CUX2: variants seen among roughly 807,000 people sequenced by gnomAD.
The protein encoded by CUX2 is cut like homeobox 2.
Under a neutral mutation model 144.8 loss-of-function variants are expected in CUX2, and 40 were observed. That is an observed-to-expected ratio of 0.28 (90% CI 0.21 to 0.36). The LOEUF is 0.36. CUX2 is among the 10% of genes least tolerant of loss of function. CUX2 has a pLI of 1.00. For synonymous variants in CUX2, 827 were observed against 875.6 expected, an observed-to-expected ratio of 0.94 and a Z score of 0.98; for missense variants, 1,615 against 1,994.0, an observed-to-expected ratio of 0.81 and a Z score of 3.62.
intron 9 of CUX2, among the ~76,000 whole-genome samples, chr12:111,300,611 G>T (rs1270257006): frequency 6.6e-6 from 1 of 152,128 alleles, no homozygotes; most frequent in Non-Finnish European, 1.5e-5. Flanking sequence ...TCTATAAAGA[G>T]TCAGAGAGTA....
chr12:111,035,082 C>G lies in CUX2; in HGVS notation c.63+842C>G, dbSNP rs1312644933. Among the ~76,000 whole-genome samples the G allele has an allele frequency of 6.6e-6, 1 of 152,062 alleles. No individual in the cohort carries two copies. Among genetic ancestry groups the G allele is most frequent in the Non-Finnish European group, 1.5e-5 (1 of 67,974 alleles). On this transcript the variant is annotated intron_variant, in intron 1 of 21. Coordinates refer to ENST00000261726, the MANE Select transcript of CUX2 (RefSeq NM_015267.4). This position sits in a 1 kb window ranked among gnomAD's most constrained non-coding sequence, Gnocchi z 6.0. The stretch of plus-strand genomic sequence containing the variant: ...CTCCAGGGCGGTGGAGAGCCGGGAG[C>G]GGCGCAGAGCAGGTGACTCCCAGCC...
At chr12:111,132,162 C>T (rs186040075) in intron 1 of CUX2, among the ~76,000 whole-genome samples, 11 of 152,336 alleles carry the variant, frequency 7.2e-5, no homozygotes, top group Admixed American at 7.2e-4. Context: ...TCTGTGCCTG[C>T]AGGCTCAACA....
chr12:111,310,693 A>C lies in CUX2; in HGVS notation c.1900+11A>C. On this transcript the variant is annotated intron_variant, in intron 15 of 21. Transcript: ENST00000261726. The surrounding 1 kb of genome is among the most constrained non-coding windows in gnomAD (Gnocchi z 7.9). ...AAGTGCGGCAGCGAGGTGAGTGCCC[A>C]AGAGGGCCCGTCCCCGCTGGCCACC... 1 of 1,573,288 alleles carries C rather than the reference A, an allele frequency of 6.4e-7. No individual in the cohort carries two copies.
chr12:111,155,481 T>G (rs1877312846), intron 1 of CUX2, among the ~76,000 whole-genome samples: 1 of 152,166 alleles, frequency 6.6e-6, no homozygotes, highest in African/African-American at 2.4e-5. Flanking sequence ...CATGCTTAGT[T>G]TAAAAATCCA....
In CUX2 at chr12:111,220,766, AAAAAAAAAAAAAAAT is replaced by A. The variant is rs1418974245; in HGVS notation, c.222+2830_222+2844del. Among the ~76,000 whole-genome samples, 228 of 145,938 alleles carry A rather than the reference AAAAAAAAAAAAAAAT, an allele frequency of 1.6e-3. 1 individual carries two copies. The highest frequency in any genetic ancestry group is 5.8e-3 in the African/African-American group (221 of 38,340). On this transcript the variant is annotated intron_variant, in intron 3 of 21. Transcript: ENST00000261726. ...TGCAAAAAAAAAAAAAAAAAAAAAAAAAAAAAAAAAAAAATTTAAATGAGCTGGGCATGGTGGCTT... is the reference window on the plus strand; with the variant it reads ...TGCAAAAAAAAAAAAAAAAAAAAAAATTAAATGAGCTGGGCATGGTGGCTT...
chr12:111,334,393 T>A, intron 18 of CUX2, 48 bp from the exon 19 acceptor site: 1 of 1,526,464 alleles, frequency 6.6e-7, no homozygotes, highest in Non-Finnish European at 8.8e-7. Flanking sequence ...AGTGGATGTG[T>A]CTGTGCCAGA....
chr12:111,185,057 C>CT (rs1879437727), intron 1 of CUX2, among the ~76,000 whole-genome samples: 1 of 151,956 alleles, frequency 6.6e-6, no homozygotes, highest in African/African-American at 2.4e-5. Context: ...GAGTGAGACT[C>CT]TGTCTCAAAA....
intron 1 of CUX2, among the ~76,000 whole-genome samples, chr12:111,083,069 C>G (rs542178026): frequency 1.3e-5 from 2 of 152,084 alleles, no homozygotes; most frequent in African/African-American, 2.4e-5. Flanking sequence ...GCCTTACTGG[C>G]CACTCCCTTC....
chr12:111,139,527 C>G, intron 1 of CUX2, among the ~76,000 whole-genome samples: 1 of 152,158 alleles, frequency 6.6e-6, no homozygotes, highest in Non-Finnish European at 1.5e-5. Context: ...GGGACAGATA[C>G]TTTCCAACCC....
At chr12:111,154,814 C>G (rs898479570) in intron 1 of CUX2, among the ~76,000 whole-genome samples, 8 of 152,140 alleles carry the variant, frequency 5.3e-5, no homozygotes, top group Admixed American at 1.3e-4. Context: ...CATGAAAAAG[C>G]AGGGAAGCCA....
intron 1 of CUX2, among the ~76,000 whole-genome samples, chr12:111,139,410 A>C (rs1876146588): frequency 6.6e-6 from 1 of 152,094 alleles, no homozygotes; most frequent in Non-Finnish European, 1.5e-5. Flanking sequence ...GAGTGGATGA[A>C]CCACAGATGG....
At chr12:111,259,874 A>G (rs1884025440) in intron 3 of CUX2, among the ~76,000 whole-genome samples, 1 of 152,060 alleles carries the variant, frequency 6.6e-6, no homozygotes, top group Non-Finnish European at 1.5e-5. Context: ...ATATGTTCAT[A>G]ACACTAGCAT....
In CUX2 at chr12:111,329,945, G is replaced by A. The variant is rs116540160; in HGVS notation, c.2927-4496G>A. Among the ~76,000 whole-genome samples, 711 of 152,208 alleles carry A rather than the reference G, an allele frequency of 4.7e-3. 6 individuals are homozygous for A. The highest frequency in any genetic ancestry group is 0.016 in the African/African-American group (659 of 41,544). The stretch of plus-strand genomic sequence containing the variant: ...AGCCACCATGCCCGGCCCAAAGACC[G>A]TCAGTTTTCCAGCTGGCCCCAGCCC... On this transcript the variant is annotated intron_variant, in intron 18 of 21. Transcript: ENST00000261726.
At chr12:111,251,110 A>G (rs1442490980) in intron 3 of CUX2, among the ~76,000 whole-genome samples, 1 of 152,188 alleles carries the variant, frequency 6.6e-6, no homozygotes, top group Non-Finnish European at 1.5e-5. Context: ...GAAATTGTGG[A>G]TTTACTGCTA....
intron 1 of CUX2, among the ~76,000 whole-genome samples, chr12:111,056,291 A>G (rs1400771698): frequency 6.6e-6 from 1 of 152,216 alleles, no homozygotes; most frequent in Non-Finnish European, 1.5e-5. Flanking sequence ...GTGGACAGAA[A>G]CAACTCTTGT....
At chr12:111,241,800 AC>A (rs1883031797) in intron 3 of CUX2, among the ~76,000 whole-genome samples, 1 of 152,218 alleles carries the variant, frequency 6.6e-6, no homozygotes, top group Admixed American at 6.5e-5. Flanking sequence ...TCCTGGGACC[AC>A]CCCTGACAGC....
chr12:111,231,089 C>T (rs1207052392), intron 3 of CUX2, among the ~76,000 whole-genome samples: 4 of 152,142 alleles, frequency 2.6e-5, no homozygotes, highest in Non-Finnish European at 4.4e-5. Context: ...TTTAAGTGTA[C>T]AGTTCAATGA....
intron 21 of CUX2, 93 bp from the exon 22 acceptor site, chr12:111,347,431 A>T: frequency 8.4e-7 from 1 of 1,192,630 alleles, no homozygotes; most frequent in Non-Finnish European, 1.2e-6. Flanking sequence ...GCCCCAGGGC[A>T]GTGGGTGGGA....
chr12:111,303,915 C>G (rs1021225192), intron 9 of CUX2, among the ~76,000 whole-genome samples: 2 of 152,184 alleles, frequency 1.3e-5, no homozygotes, highest in African/African-American at 2.4e-5. Context: ...CAGGAATGTT[C>G]TGACTCCTCT....
Sources: gnomAD v4.1 joint callset for allele counts (sites outside exome capture counted in the v4.1 genomes callset) on GRCh38, gnomAD v4.1.1 for gene constraint, Gnocchi (gnomAD v3.1) non-coding constraint, MANE v1.5 for transcripts, NCBI Gene and HGNC (gene_info 2026-07-23, HGNC 2026-07-21) for gene names.